Variants in TENM2 observed in about 807,000 individuals in gnomAD.
The protein encoded by TENM2 is teneurin-2.
In TENM2, 52 loss-of-function variants were observed where a neutral mutation model predicts 245.2. That is an observed-to-expected ratio of 0.21 (90% CI 0.17 to 0.27). The LOEUF (loss-of-function observed/expected upper bound fraction) is 0.27. TENM2 is among the 10% of genes least tolerant of loss of function. The pLI is 1.00. For missense variants in TENM2, 3,046 were observed against 3,666.8 expected, an observed-to-expected ratio of 0.83 and a Z score of 4.37; for synonymous variants, 1,363 against 1,438.9, an observed-to-expected ratio of 0.95 and a Z score of 1.19.
At chr5:167,823,904 C>T (rs978689130) in intron 2 of TENM2, among the ~76,000 whole-genome samples, 17 of 152,114 alleles carry the variant, frequency 1.1e-4, no homozygotes, top group Non-Finnish European at 1.8e-4. Context: ...GTAGGTTGGA[C>T]GGCCTCTCCT....
At chr5:167,217,731 T>TA in the TENM2 span, among the ~76,000 whole-genome samples, 1 of 148,170 alleles carries the variant, frequency 6.7e-6, no homozygotes, top group African/African-American at 2.5e-5. Context: ...TATATATATA[T>TA]ATATAATATA....
At chr5:167,794,699 G>A (rs1038792723) in intron 2 of TENM2, among the ~76,000 whole-genome samples, 5 of 152,200 alleles carry the variant, frequency 3.3e-5, no homozygotes, top group African/African-American at 1.2e-4. Context: ...TAGAAACACT[G>A]TGGAAAAGAA....
chr5:167,016,090 T>C, the TENM2 span, among the ~76,000 whole-genome samples: 4 of 151,736 alleles, frequency 2.6e-5, no homozygotes, highest in African/African-American at 9.7e-5. Context: ...CCGTCTCTAC[T>C]AAAAATACAA....
At chr5:167,919,853 C>T (rs1235500721) in intron 3 of TENM2, among the ~76,000 whole-genome samples, 1 of 152,220 alleles carries the variant, frequency 6.6e-6, no homozygotes, top group Non-Finnish European at 1.5e-5. Flanking sequence ...ACTATTATGA[C>T]TATCACGACA....
chr5:168,166,935 G>T (rs964269388), intron 13 of TENM2, among the ~76,000 whole-genome samples: 3 of 151,964 alleles, frequency 2.0e-5, no homozygotes, highest in African/African-American at 7.3e-5. Context: ...GACACCCCCA[G>T]TCATGTGACC....
At chr5:168,174,326 A>T (rs1378967460) in intron 13 of TENM2, among the ~76,000 whole-genome samples, 1 of 152,192 alleles carries the variant, frequency 6.6e-6, no homozygotes, top group Admixed American at 6.5e-5. Flanking sequence ...CAGCTCCTCC[A>T]CTTCCTCAAG....
At chr5:168,151,779 T>G (rs1253121440) in intron 12 of TENM2, among the ~76,000 whole-genome samples, 2 of 152,206 alleles carry the variant, frequency 1.3e-5, no homozygotes, top group Admixed American at 1.3e-4. Context: ...CCAAAACAAG[T>G]GACTTGGTAT....
intron 1 of TENM2, among the ~76,000 whole-genome samples, chr5:167,293,368 ATTTTTT>A (rs199972172): frequency 0.17 from 21,756 of 130,556 alleles, 2,428 homozygotes; most frequent in East Asian, 0.36. Context: ...TGTCCGGCTA[ATTTTTT>A]TTTTTTTTTT....
intron 2 of TENM2, among the ~76,000 whole-genome samples, chr5:167,757,469 AT>A (rs948002120): frequency 2.7e-4 from 41 of 151,946 alleles, no homozygotes; most frequent in African/African-American, 9.9e-4. Context: ...TATGTGCCAC[AT>A]TTTCTTTATC....
intron 2 of TENM2, among the ~76,000 whole-genome samples, chr5:167,791,015 A>G (rs1764917136): frequency 6.6e-6 from 1 of 152,176 alleles, no homozygotes; most frequent in Non-Finnish European, 1.5e-5. Flanking sequence ...CAAAAATCTC[A>G]TGGCCATGCA....
the TENM2 span, among the ~76,000 whole-genome samples, chr5:167,010,109 T>C: frequency 4.6e-5 from 7 of 152,162 alleles, no homozygotes; most frequent in Non-Finnish European, 8.8e-5. Flanking sequence ...AGGCTGGGCG[T>C]GGTGGCTCAC....
At chr5:167,142,099 T>A in the TENM2 span, among the ~76,000 whole-genome samples, 1 of 152,192 alleles carries the variant, frequency 6.6e-6, no homozygotes, top group Non-Finnish European at 1.5e-5. Flanking sequence ...TGAGTAGAGT[T>A]AATATTAAAA....
intron 2 of TENM2, among the ~76,000 whole-genome samples, chr5:167,526,271 G>A (rs1162870309): frequency 6.6e-6 from 1 of 151,324 alleles, no homozygotes; most frequent in Non-Finnish European, 1.5e-5. Flanking sequence ...GATAATAGAG[G>A]TCATCTCTGA....
chr5:168,104,040 GT>G (rs869035043), intron 9 of TENM2, among the ~76,000 whole-genome samples: 1 of 139,408 alleles, frequency 7.2e-6, no homozygotes, highest in African/African-American at 2.6e-5. Context: ...TTGTTTGTTT[GT>G]TTTTTGAGAC....
chr5:167,053,501 T>G, the TENM2 span, among the ~76,000 whole-genome samples: 1 of 152,172 alleles, frequency 6.6e-6, no homozygotes, highest in Non-Finnish European at 1.5e-5. Flanking sequence ...TGCTTCAATT[T>G]AAACTGGCTA....
chr5:167,374,085 C>T (rs906803445), intron 1 of TENM2, among the ~76,000 whole-genome samples: 1 of 152,206 alleles, frequency 6.6e-6, no homozygotes, highest in East Asian at 1.9e-4. Context: ...ACTAGCTCTT[C>T]ATCCCTAGGA....
chr5:167,019,359 G>C, the TENM2 span, among the ~76,000 whole-genome samples: 2 of 152,268 alleles, frequency 1.3e-5, no homozygotes, highest in East Asian at 3.9e-4. Flanking sequence ...AGGCAAAATG[G>C]GCTGGTAGGA....
chr5:168,129,848 A>G (rs1273500461), intron 12 of TENM2: 1 of 152,230 alleles, frequency 6.6e-6, no homozygotes, highest in Non-Finnish European at 1.5e-5. Context: ...GTCCTTTCCA[A>G]GCACAGCCTC....
At chr5:167,686,171 A>G (rs67528580) in intron 2 of TENM2, among the ~76,000 whole-genome samples, 35,587 of 152,146 alleles carry the variant, frequency 0.23, 4,638 homozygotes, top group East Asian at 0.53. Flanking sequence ...GTGGCAAAGA[A>G]CATCTTTGTA....
Sources: allele counts gnomAD v4.1 joint callset (sites outside exome capture counted in the v4.1 genomes callset), GRCh38; gene constraint gnomAD v4.1.1; transcripts MANE v1.5; gene names NCBI Gene and HGNC (gene_info 2026-07-23, HGNC 2026-07-21).